The following COX19 variants were observed in gnomAD, a reference collection of about 807,000 sequenced individuals.
COX19 encodes the protein cytochrome c oxidase assembly factor COX19.
Under a neutral mutation model 6.8 loss-of-function variants are expected in COX19, and 8 were observed. The observed-to-expected ratio is 1.18, with a 90% confidence interval of 0.69 to 2.12. The LOEUF is 2.12. COX19 is among the 30% of genes most tolerant of loss of function. The probability of loss-of-function intolerance (pLI) is 0.00; values close to 1 mark genes in which losing one functional copy is unlikely to be tolerated. For synonymous variants in COX19, 51 were observed against 38.0 expected, an observed-to-expected ratio of 1.34 and a Z score of -1.26; for missense variants, 131 against 104.6, an observed-to-expected ratio of 1.25 and a Z score of -1.10.
At chr7:975,227 G>C in intron 1 of COX19, 1 of 432,880 alleles carries the variant, frequency 2.3e-6, no homozygotes, top group Non-Finnish European at 4.1e-6. Flanking sequence ...CGTCACGGGG[G>C]CCACGGTCCT....
At chr7:975,324 C>T (rs1027695352) in intron 1 of COX19, 104 bp downstream of exon 1, 11 of 895,016 alleles carry the variant, frequency 1.2e-5, no homozygotes, top group Non-Finnish European at 1.8e-5. Context: ...CTCAGTTTCC[C>T]CGCCTGCACC....
rs554071844 is a variant in COX19, at chr7:966,608, C to G, written c.*2770G>C. The G allele has an allele frequency of 1.3e-5, 2 of 152,380 alleles. No individual in the cohort carries two copies. Among genetic ancestry groups the G allele is most frequent in the South Asian group, 4.1e-4 (2 of 4,820 alleles). 9.4% of individuals were successfully genotyped at this position (152,380 alleles called of 1,614,324 possible). A position where few individuals can be genotyped will look rare whatever the true frequency, so the allele number is the denominator to read the frequency against. On this transcript the variant is annotated 3_prime_UTR_variant, in exon 3 of 3. Transcript: ENST00000344111. ...GCCTGGCCCTGGTTCCTTTTGGTTA[C>G]AGAATGGTATCAGGGCCAAGACCCT...
In COX19 at chr7:969,463, G is replaced by C; in HGVS notation, c.195-7C>G. 6.3e-7 allele frequency: 1 copy of C among 1,586,748 alleles called. No homozygotes were observed. ...TTCTTGTAGCATCAATTTTCTAAAA[G>C]AAAAAGAGAAAGCTGTCAGGGCGGG... is the stretch of plus-strand genomic sequence containing the variant. On this transcript the variant is annotated splice_polypyrimidine_tract_variant and splice_region_variant and intron_variant, in intron 2 of 2. Coordinates refer to ENST00000344111, the MANE Select transcript of COX19 (RefSeq NM_001031617.3).
At position 966,891 on chromosome 7, in the gene COX19, C is replaced by T. The variant is rs6947379; in HGVS notation, c.*2487G>A. 4,074 of 152,414 alleles carry T rather than the reference C, an allele frequency of 0.027. 183 individuals carry two copies. The highest frequency in any genetic ancestry group is 0.093 in the African/African-American group (3,851 of 41,532). 9.4% of individuals were successfully genotyped at this position (152,414 alleles called of 1,614,324 possible). A position where few individuals can be genotyped will look rare whatever the true frequency, so the allele number is the denominator to read the frequency against. On this transcript the variant is annotated 3_prime_UTR_variant, in exon 3 of 3. Transcript: ENST00000344111. ...TCCACGCCACCCTGCCTGCCAGGCACTCAGCAGCCATCTCGGTGATCAGAC... is the reference window on the plus strand; with the variant it reads ...TCCACGCCACCCTGCCTGCCAGGCATTCAGCAGCCATCTCGGTGATCAGAC...
rs142988923 is a variant in COX19, at chr7:974,004, G to C, written c.83-712C>G. On this transcript the variant is annotated intron_variant, in intron 1 of 2. Coordinates refer to ENST00000344111, the MANE Select transcript of COX19 (RefSeq NM_001031617.3). ...TAAATGATCCAGCCTGGTCAACATG[G>C]GGAAACTCCATCTTTAAAATAAAAA... Among the ~76,000 whole-genome samples, 159 of 151,358 alleles carry C rather than the reference G, an allele frequency of 1.1e-3. 1 individual carries two copies. The highest frequency in any genetic ancestry group is 0.01 in the Middle Eastern group (3 of 294).
intron 1 of COX19, chr7:975,217 C>G (rs1348795453): frequency 9.3e-6 from 4 of 431,182 alleles, no homozygotes; most frequent in Non-Finnish European, 1.7e-5. Flanking sequence ...TCGCTGCCCT[C>G]GTCACGGGGG....
Position 969,280 on chromosome 7 carries a change from G to A in COX19, c.*98C>T. On this transcript the variant is annotated 3_prime_UTR_variant, in exon 3 of 3. Transcript: ENST00000344111. ...GCTTCTATTCGAAGCCCATTTCTAA[G>A]GACACCACACGCAGGCCTCAGCCAA... 1 of 780,560 alleles carries A rather than the reference G, an allele frequency of 1.3e-6. No homozygotes were observed. The highest frequency in any genetic ancestry group is 1.7e-5 in the African/African-American group (1 of 57,802). 48.4% of individuals were successfully genotyped at this position (780,560 alleles called of 1,614,324 possible). A position where few individuals can be genotyped will look rare whatever the true frequency, so the allele number is the denominator to read the frequency against.
intron 2 of COX19, among the ~76,000 whole-genome samples, chr7:970,292 G>T (rs907971136): frequency 6.6e-6 from 1 of 151,738 alleles, no homozygotes; most frequent in Non-Finnish European, 1.5e-5. Context: ...ACATCACCAC[G>T]CCCGGCTAAT....
intron 2 of COX19, among the ~76,000 whole-genome samples, chr7:971,781 G>A (rs543100163): frequency 6.6e-6 from 1 of 152,352 alleles, no homozygotes; most frequent in Non-Finnish European, 1.5e-5. Flanking sequence ...TGAGGTGGGA[G>A]AATGGGGTGA....
intron 1 of COX19, among the ~76,000 whole-genome samples, 158 bp from the exon 2 acceptor site, chr7:973,450 C>G (rs1365697967): frequency 6.6e-6 from 1 of 152,158 alleles, no homozygotes; most frequent in East Asian, 1.9e-4. Context: ...GAGAGGATCA[C>G]CTGACCCCAG....
At position 973,151 on chromosome 7, in the gene COX19, G is replaced by A. The variant is rs2128117439; in HGVS notation, c.194+30C>T. 4.1e-6 allele frequency: 6 copies of A among 1,449,224 alleles called. No individual in the cohort carries two copies. The African/African-American group carries it at 5.8e-5, about 14-fold the overall frequency. 89.8% of individuals were successfully genotyped at this position (1,449,224 alleles called of 1,614,324 possible). ...AAAGTTTTAATTGGAGTAGTGGGAG[G>A]TGGAAATCATAACGCTTAGCTGTAC... On this transcript the variant is annotated intron_variant, in intron 2 of 2. Coordinates refer to ENST00000344111, the MANE Select transcript of COX19 (RefSeq NM_001031617.3).
rs10235055 is a variant in COX19 at position 965,635 on chromosome 7, C to G, written c.*3743G>C. 0.13 allele frequency among the ~76,000 whole-genome samples: 19,132 copies of G among 152,204 alleles called. 1,644 individuals are homozygous for G. The highest frequency in any genetic ancestry group is 0.24 in the African/African-American group (9,997 of 41,498). On this transcript the variant is annotated 3_prime_UTR_variant, in exon 3 of 3. Coordinates refer to ENST00000344111, the MANE Select transcript of COX19 (RefSeq NM_001031617.3). ...ACCTGCTTCACACCACACGTCACCA[C>G]TCACTTCATGGCAACTGAGGGTTTT...
rs111645884 is a variant in COX19, at chr7:965,506, C to T, written c.*3872G>A. 0.039 allele frequency among the ~76,000 whole-genome samples: 5,928 copies of T among 152,310 alleles called. 165 individuals carry two copies. The highest frequency in any genetic ancestry group is 0.073 in the South Asian group (352 of 4,828). On this transcript the variant is annotated 3_prime_UTR_variant, in exon 3 of 3. Transcript: ENST00000344111. Reference sequence around the variant, plus strand: ...TGCGGCCTGTGCGGCTCGCTCCCGGCGGTGGCTGCTGGGTTAAGGGGGCCT... The same window carrying T: ...TGCGGCCTGTGCGGCTCGCTCCCGGTGGTGGCTGCTGGGTTAAGGGGGCCT...
In COX19 at chr7:973,275, T is replaced by C. The variant is rs140474676; in HGVS notation, c.100A>G (p.Lys34Glu). The change falls in exon 2 of 3, where the codon AAA becomes GAA. Residue 34 changes from lysine (K) to glutamate (E), a missense_variant. Lys to Glu is a moderately conservative substitution (Grantham distance 56). Coordinates refer to ENST00000344111, the MANE Select transcript of COX19 (RefSeq NM_001031617.3). ...TGAAGACACTTCATGAATTTCTCTT[T>C]AAAGCTTTTACATTCACCTAGAACG... is the stretch of plus-strand genomic sequence containing the variant. ...LDHLGECKSF[K>E]EKFMKCLHNN... 1.3e-6 allele frequency: 2 copies of C among 1,594,996 alleles called. No individual in the cohort carries two copies. The highest frequency in any genetic ancestry group is 2.7e-5 in the African/African-American group (2 of 73,886).
intron 2 of COX19, chr7:972,585 GC>G (rs1021678350): frequency 9.2e-5 from 14 of 152,326 alleles, no homozygotes; most frequent in African/African-American, 3.1e-4. Context: ...TATGCTACAT[GC>G]TTTTTTTTGC....
rs1262449881 is a variant in COX19, at chr7:967,537, G to A, written c.*1841C>T. On this transcript the variant is annotated 3_prime_UTR_variant, in exon 3 of 3. Coordinates refer to ENST00000344111, the MANE Select transcript of COX19 (RefSeq NM_001031617.3). ...TGGGTCAGAGTGCGGTGCGAGCGGA[G>A]AGGCAGGCCCGACCCGGGCCTGGGC... 1 of 152,246 alleles carries A rather than the reference G, an allele frequency of 6.6e-6. No individual in the cohort carries two copies. Among genetic ancestry groups the A allele is most frequent in the African/African-American group, 2.4e-5 (1 of 41,466 alleles). 9.4% of individuals were successfully genotyped at this position (152,246 alleles called of 1,614,324 possible). A position where few individuals can be genotyped will look rare whatever the true frequency, so the allele number is the denominator to read the frequency against.
At chr7:973,495 C>T (rs947718041) in intron 1 of COX19, among the ~76,000 whole-genome samples, 4 of 152,036 alleles carry the variant, frequency 2.6e-5, no homozygotes, top group African/African-American at 9.7e-5. Context: ...ACAGTGAGAC[C>T]CCCATCTCTA....
At position 968,056 on chromosome 7, in the gene COX19, C is replaced by G. The variant is rs986797114; in HGVS notation, c.*1322G>C. On this transcript the variant is annotated 3_prime_UTR_variant, in exon 3 of 3. Coordinates refer to ENST00000344111, the MANE Select transcript of COX19 (RefSeq NM_001031617.3). The stretch of plus-strand genomic sequence containing the variant: ...TTAATACGTCTGCAGCACTCAGAGG[C>G]CTGACAGAGAGCAGACACGGGACAG... The G allele has an allele frequency of 6.6e-6, 1 of 152,296 alleles. No homozygotes were observed. The highest frequency in any genetic ancestry group is 2.4e-5 in the African/African-American group (1 of 41,472). 9.4% of individuals were successfully genotyped at this position (152,296 alleles called of 1,614,324 possible).
chr7:975,287 G>T, intron 1 of COX19, 141 bp downstream of exon 1: 1 of 621,922 alleles, frequency 1.6e-6, no homozygotes, highest in East Asian at 3.3e-5. Flanking sequence ...CCAGGGCTGG[G>T]TGGGGCGGAG....
Sources: gnomAD v4.1 joint callset for allele counts (sites outside exome capture counted in the v4.1 genomes callset) on GRCh38, gnomAD v4.1.1 for gene constraint, MANE v1.5 for transcripts, NCBI Gene and HGNC (gene_info 2026-07-23, HGNC 2026-07-21) for gene names.